Variants in NIBAN1 observed in about 807,000 individuals in gnomAD.
The protein encoded by NIBAN1 is protein Niban 1.
A neutral mutation model predicts 75.1 loss-of-function variants in NIBAN1; 81 were observed. That is an observed-to-expected ratio of 1.08 (90% confidence interval 0.90 to 1.30). The LOEUF (loss-of-function observed/expected upper bound fraction) is 1.30, where lower values mean the gene tolerates loss of function less well. Ranked by LOEUF, NIBAN1 falls within the 50% of genes most tolerant of loss-of-function variation. The pLI, the probability that NIBAN1 is intolerant of heterozygous loss-of-function variation, is 0.00. For missense variants in NIBAN1, 1,133 were observed against 1,128.1 expected (o/e 1.00, Z -0.06); for synonymous variants, 436 against 424.8 (o/e 1.03, Z -0.32).
intron 1 of NIBAN1, among the ~76,000 whole-genome samples, chr1:184,905,387 T>G (rs1352492357): frequency 1.3e-5 from 2 of 152,160 alleles, no homozygotes; most frequent in African/African-American, 4.8e-5. Flanking sequence ...CTGGCAGCTT[T>G]CATTTAACAT....
At chr1:184,909,537 T>C (rs901823931) in intron 1 of NIBAN1, among the ~76,000 whole-genome samples, 3 of 152,190 alleles carry the variant, frequency 2.0e-5, no homozygotes, top group Admixed American at 1.3e-4. Flanking sequence ...GTAGTATTGC[T>C]AGGCTTGGGA....
intron 1 of NIBAN1, among the ~76,000 whole-genome samples, chr1:184,937,369 G>A (rs776156218): frequency 9.2e-5 from 14 of 151,896 alleles, no homozygotes; most frequent in Non-Finnish European, 2.1e-4. Context: ...TGGTTCTGGA[G>A]GTCATACAAT....
At chr1:184,961,662 C>A (rs1658653653) in intron 1 of NIBAN1, among the ~76,000 whole-genome samples, 1 of 152,160 alleles carries the variant, frequency 6.6e-6, no homozygotes, top group Admixed American at 6.5e-5. Flanking sequence ...GGCTCTAACC[C>A]CAGTTCAGGG....
chr1:184,818,982 C>G (rs966144546), intron 8 of NIBAN1, among the ~76,000 whole-genome samples, 157 bp from the exon 9 acceptor site: 1 of 152,140 alleles, frequency 6.6e-6, no homozygotes, highest in African/African-American at 2.4e-5. Context: ...GCCTGGTGCC[C>G]ATGGTCACAA....
Position 184,974,411 on chromosome 1 carries a change from A to T in NIBAN1, c.-55T>A. 1 of 1,525,402 alleles carries T rather than the reference A, an allele frequency of 6.6e-7. No homozygotes were observed. The highest frequency in any genetic ancestry group is 8.8e-7 in the Non-Finnish European group (1 of 1,141,098). The allele number at this position is 1,525,402 out of a possible 1,614,324, so 94.5% of individuals were successfully genotyped here. ...AACTGCCCGGTCCGCGCCCGCTGCTAGCTCCTGGAGGTTGATCCGACGGCG... is the reference window on the plus strand; with the variant it reads ...AACTGCCCGGTCCGCGCCCGCTGCTTGCTCCTGGAGGTTGATCCGACGGCG... On this transcript the variant is annotated 5_prime_UTR_variant, in exon 1 of 14. Coordinates refer to ENST00000367511, the MANE Select transcript of NIBAN1 (RefSeq NM_052966.4).
intron 4 of NIBAN1, among the ~76,000 whole-genome samples, 181 bp downstream of exon 4, chr1:184,889,927 C>A (rs1656621872): frequency 6.6e-6 from 1 of 152,172 alleles, no homozygotes; most frequent in South Asian, 2.1e-4. Context: ...TTTGTAGCAT[C>A]CCTGGCCTCT....
chr1:184,816,835 A>T (rs775505549), intron 9 of NIBAN1, among the ~76,000 whole-genome samples: 6 of 150,446 alleles, frequency 4.0e-5, no homozygotes, highest in Admixed American at 2.0e-4. Flanking sequence ...TTTTCTCAAA[A>T]TTGAGAAAAT....
intron 3 of NIBAN1, 27 bp from the exon 4 acceptor site, chr1:184,890,249 G>A: frequency 6.5e-7 from 1 of 1,533,204 alleles, no homozygotes; most frequent in East Asian, 2.3e-5. Context: ...ACACAGGAAT[G>A]ATATCTTTTT....
At chr1:184,974,078 C>G (rs905584596) in intron 1 of NIBAN1, among the ~76,000 whole-genome samples, 1 of 152,158 alleles carries the variant, frequency 6.6e-6, no homozygotes, top group African/African-American at 2.4e-5. Context: ...CACCCGCATC[C>G]TGCACCTGCC....
intron 10 of NIBAN1, 76 bp from the exon 11 acceptor site, chr1:184,806,132 G>C (rs1571475410): frequency 8.3e-7 from 1 of 1,199,658 alleles, no homozygotes. Flanking sequence ...GGCTAAGTGG[G>C]ACTGCAGAGT....
chr1:184,963,446 T>C (rs937730772), intron 1 of NIBAN1, among the ~76,000 whole-genome samples: 3 of 152,024 alleles, frequency 2.0e-5, no homozygotes, highest in Admixed American at 6.5e-5. Context: ...CAATAAAAAA[T>C]GAGGTATAAA....
chr1:184,863,682 A>G (rs1173375606), intron 5 of NIBAN1, among the ~76,000 whole-genome samples: 1 of 152,188 alleles, frequency 6.6e-6, no homozygotes, highest in Admixed American at 6.5e-5. Context: ...CAGGTTAAAC[A>G]TAACCCAGTT....
intron 9 of NIBAN1, among the ~76,000 whole-genome samples, chr1:184,816,650 C>A (rs1265522293): frequency 1.3e-5 from 2 of 152,072 alleles, no homozygotes; most frequent in South Asian, 4.1e-4. Context: ...CTAGAACATA[C>A]CAGGTTTTGT....
At chr1:184,947,490 T>C (rs1270920608) in intron 1 of NIBAN1, among the ~76,000 whole-genome samples, 2 of 152,228 alleles carry the variant, frequency 1.3e-5, no homozygotes, top group Non-Finnish European at 2.9e-5. Context: ...ATATTGTGAA[T>C]ATAGTTAATG....
At chr1:184,948,852 G>A (rs1047007685) in intron 1 of NIBAN1, among the ~76,000 whole-genome samples, 1 of 152,062 alleles carries the variant, frequency 6.6e-6, no homozygotes, top group Non-Finnish European at 1.5e-5. Context: ...AGAAAGAAGA[G>A]AAAGGAAATA....
At chr1:184,905,654 C>A (rs576078170) in intron 1 of NIBAN1, among the ~76,000 whole-genome samples, 1 of 152,104 alleles carries the variant, frequency 6.6e-6, no homozygotes, top group Non-Finnish European at 1.5e-5. Flanking sequence ...AGTCCCAACC[C>A]GAGTAGAAAC....
chr1:184,878,609 G>T (rs1214964438), intron 5 of NIBAN1, among the ~76,000 whole-genome samples: 1 of 152,152 alleles, frequency 6.6e-6, no homozygotes, highest in Non-Finnish European at 1.5e-5. Flanking sequence ...ATATACTCCA[G>T]GTCTCAGGTG....
intron 1 of NIBAN1, among the ~76,000 whole-genome samples, chr1:184,915,582 T>C (rs1180713065): frequency 1.3e-5 from 2 of 152,152 alleles, no homozygotes; most frequent in African/African-American, 2.4e-5. Flanking sequence ...TGGAGAGGAA[T>C]AGAATAATAT....
At chr1:184,913,471 C>T (rs1052917100) in intron 1 of NIBAN1, among the ~76,000 whole-genome samples, 5 of 152,186 alleles carry the variant, frequency 3.3e-5, no homozygotes, top group South Asian at 4.1e-4. Flanking sequence ...TCCATTGAAA[C>T]TATTATGGGT....
Sources: gnomAD v4.1 joint callset for allele counts (sites outside exome capture counted in the v4.1 genomes callset) on GRCh38, gnomAD v4.1.1 for gene constraint, MANE v1.5 for transcripts, NCBI Gene and HGNC (gene_info 2026-07-23, HGNC 2026-07-21) for gene names.